RANBP2: variants seen among roughly 807,000 people sequenced by gnomAD.
RANBP2 encodes E3 SUMO-protein ligase RanBP2.
RANBP2 carries 57 observed loss-of-function variants against 303.6 expected under a neutral mutation model. The ratio of observed to expected loss-of-function variants is 0.19; its 90% CI spans 0.15 to 0.23. RANBP2 has a LOEUF of 0.23. RANBP2 is among the 10% of genes least tolerant of loss of function. The pLI, the probability that RANBP2 is intolerant of heterozygous loss-of-function variation, is 1.00. For synonymous variants in RANBP2, 1,167 were observed against 1,301.5 expected, an observed-to-expected ratio of 0.90 and a Z score of 2.23; for missense variants, 3,138 against 3,780.8, an observed-to-expected ratio of 0.83 and a Z score of 4.46.
chr2:109,020,962 C>A, the RANBP2 span, among the ~76,000 whole-genome samples: 1 of 152,164 alleles, frequency 6.6e-6, no homozygotes, highest in South Asian at 2.1e-4. Context: ...GCAGGGCAGG[C>A]ACACCCAGGC....
At chr2:108,936,700 T>C in the RANBP2 span, among the ~76,000 whole-genome samples, 3 of 152,148 alleles carry the variant, frequency 2.0e-5, no homozygotes, top group African/African-American at 7.2e-5. Flanking sequence ...TGAAAACACT[T>C]CCATTTGATG....
the RANBP2 span, among the ~76,000 whole-genome samples, chr2:109,406,259 C>A: frequency 1.4e-4 from 21 of 152,124 alleles, no homozygotes; most frequent in African/African-American, 4.8e-4. Context: ...AGGCCAACTC[C>A]ACTATGACAC....
At chr2:109,687,723 A>G in the RANBP2 span, among the ~76,000 whole-genome samples, 6 of 151,046 alleles carry the variant, frequency 4.0e-5, no homozygotes, top group South Asian at 2.1e-4. Flanking sequence ...TGCCTTCCAA[A>G]GTTCCTCAGG....
the RANBP2 span, among the ~76,000 whole-genome samples, chr2:109,468,465 G>T: frequency 6.6e-6 from 1 of 152,170 alleles, no homozygotes; most frequent in South Asian, 2.1e-4. Context: ...AACACATCAT[G>T]CTGCTTGGTC....
the RANBP2 span, chr2:109,544,493 A>G: frequency 2.0e-6 from 2 of 985,382 alleles, no homozygotes; most frequent in African/African-American, 3.5e-5. Context: ...ATTCTTCTAG[A>G]GAGCTCTCAA....
At chr2:108,777,351 G>GTTTAGT (rs199740075) in intron 25 of RANBP2, 120 bp downstream of exon 25, 195,365 of 777,900 alleles carry the variant, frequency 0.25, 25,469 homozygotes, top group African/African-American at 0.35. Flanking sequence ...CCCCCAGTTT[G>GTTTAGT]TTTTAGTGTT....
the RANBP2 span, among the ~76,000 whole-genome samples, chr2:109,366,297 T>A: frequency 6.6e-6 from 1 of 152,178 alleles, no homozygotes; most frequent in South Asian, 2.1e-4. Flanking sequence ...AACTATCAAG[T>A]CCACTAAGTA....
At chr2:108,915,095 G>GA in the RANBP2 span, among the ~76,000 whole-genome samples, 4,122 of 152,254 alleles carry the variant, frequency 0.027, 210 homozygotes, top group African/African-American at 0.095. Flanking sequence ...TTTTTATAGA[G>GA]AAAAATGCAC....
chr2:109,030,598 C>CAGCA, the RANBP2 span, among the ~76,000 whole-genome samples: 1 of 152,166 alleles, frequency 6.6e-6, no homozygotes, highest in Non-Finnish European at 1.5e-5. Flanking sequence ...TGAGGATGAC[C>CAGCA]AGCAGGCTGT....
At chr2:109,419,559 A>G in the RANBP2 span, 1 of 1,597,624 alleles carries the variant, frequency 6.3e-7, no homozygotes. Context: ...CCTCGGCGGG[A>G]TCTACCCCCA....
rs1436785910 is a variant in RANBP2 at position 108,767,910 on chromosome 2, C to A, written c.7371C>A (p.Ser2457Arg). The A allele has an allele frequency of 6.2e-7, 1 of 1,611,294 alleles. No homozygotes were observed. Among genetic ancestry groups the A allele is most frequent in the East Asian group, 2.2e-5 (1 of 44,864 alleles). The change falls in exon 20 of 29, where the codon AGC becomes AGA. Residue 2457 changes from serine to arginine, a missense_variant. Coordinates refer to ENST00000283195, the MANE Select transcript of RANBP2 (RefSeq NM_006267.5). Reference protein sequence around the residue: ...SLITPHVSRSSTPRESPCGKI... With the variant: ...SLITPHVSRSRTPRESPCGKI... ...TAACACCTCATGTTTCTCGGTCAAG[C>A]ACTCCCAGAGAGTCACCATGTGGCA...
chr2:108,897,066 T>C, the RANBP2 span: 1 of 1,614,096 alleles, frequency 6.2e-7, no homozygotes. Context: ...GGTCAAAGAG[T>C]TGCATGCCGT....
the RANBP2 span, among the ~76,000 whole-genome samples, chr2:108,870,641 A>G: frequency 6.6e-6 from 1 of 152,240 alleles, no homozygotes; most frequent in Admixed American, 6.5e-5. Flanking sequence ...GTAGACTATT[A>G]TTCAGTCTAA....
the RANBP2 span, among the ~76,000 whole-genome samples, chr2:108,878,692 G>T: frequency 6.6e-6 from 1 of 152,196 alleles, no homozygotes; most frequent in Non-Finnish European, 1.5e-5. Context: ...AAAGCAATAT[G>T]TTAGTAGTAA....
the RANBP2 span, among the ~76,000 whole-genome samples, chr2:109,511,664 C>T: frequency 2.4e-4 from 37 of 152,264 alleles, no homozygotes; most frequent in Non-Finnish European, 3.7e-4. Flanking sequence ...AGCCCTGCTT[C>T]TGCCTCCAGC....
At chr2:108,862,467 G>A in the RANBP2 span, among the ~76,000 whole-genome samples, 1 of 152,120 alleles carries the variant, frequency 6.6e-6, no homozygotes, top group Non-Finnish European at 1.5e-5. Flanking sequence ...TCAGATTAGG[G>A]ATGCTCAACC....
At chr2:108,815,954 G>T in the RANBP2 span, 73 of 1,608,404 alleles carry the variant, frequency 4.5e-5, no homozygotes, top group Middle Eastern at 1.7e-4. Flanking sequence ...CCACTTAATG[G>T]GCAAGTTTAT....
chr2:109,279,262 T>C, the RANBP2 span, among the ~76,000 whole-genome samples: 1 of 152,186 alleles, frequency 6.6e-6, no homozygotes, highest in African/African-American at 2.4e-5. Flanking sequence ...GCTTAGCTCC[T>C]GCCACGTCCT....
In RANBP2 at chr2:108,763,928, A is replaced by T; in HGVS notation, c.3389A>T (p.Asp1130Val). ...AATTCTGGTTTTCGGCGAAGTGATG[A>T]TATGTTTACTTTCCATGGTCCAGGG... ...QKNSGFRRSDDMFTFHGPGKS... is the reference protein window; with the variant it reads ...QKNSGFRRSDVMFTFHGPGKS... Residue 1130 changes from aspartate (D) to valine (V), a missense_variant, in exon 20 of 29, where the codon GAT (aspartate) becomes GTT (valine). Asp to Val is a radical substitution (Grantham distance 152). Coordinates refer to ENST00000283195, the MANE Select transcript of RANBP2 (RefSeq NM_006267.5). The T allele has an allele frequency of 6.2e-7, 1 of 1,613,924 alleles. No homozygotes were observed. Among genetic ancestry groups the T allele is most frequent in the Non-Finnish European group, 8.5e-7 (1 of 1,179,974 alleles).
Sources: gnomAD v4.1 joint callset for allele counts (sites outside exome capture counted in the v4.1 genomes callset) on GRCh38, gnomAD v4.1.1 for gene constraint, MANE v1.5 for transcripts, NCBI Gene and HGNC (gene_info 2026-07-23, HGNC 2026-07-21) for gene names.